PTPRD: variants seen among roughly 807,000 people sequenced by gnomAD.
PTPRD encodes receptor-type tyrosine-protein phosphatase delta.
Under a neutral mutation model 214.5 loss-of-function variants are expected in PTPRD, and 34 were observed. That is an observed-to-expected ratio of 0.16 (90% confidence interval 0.12 to 0.21). The LOEUF (loss-of-function observed/expected upper bound fraction) is 0.21. PTPRD is among the 10% of genes least tolerant of loss of function. The pLI, the probability that PTPRD is intolerant of heterozygous loss-of-function variation, is 1.00. For missense variants in PTPRD, 2,545 were observed against 2,398.7 expected (o/e 1.06, Z -1.27); for synonymous variants, 1,128 against 845.7 (o/e 1.33, Z -5.79).
At chr9:8,719,566 T>A (rs147496456) in intron 12 of PTPRD, among the ~76,000 whole-genome samples, 88 of 152,336 alleles carry the variant, frequency 5.8e-4, no homozygotes, top group Non-Finnish European at 1.1e-3. Flanking sequence ...AAACTAGGAC[T>A]CTTGAACAAT....
At chr9:9,738,186 G>T (rs2098334244) in intron 6 of PTPRD, among the ~76,000 whole-genome samples, 1 of 151,888 alleles carries the variant, frequency 6.6e-6, no homozygotes, top group Non-Finnish European at 1.5e-5. Context: ...ACACCAACGT[G>T]GCACATGTAT....
chr9:9,206,054 A>G (rs996786753), intron 9 of PTPRD, among the ~76,000 whole-genome samples: 3 of 152,224 alleles, frequency 2.0e-5, no homozygotes, highest in Non-Finnish European at 4.4e-5. Flanking sequence ...TGAGGAAGTA[A>G]GTTATGGAGA....
intron 8 of PTPRD, among the ~76,000 whole-genome samples, chr9:9,445,061 G>C (rs1456967150): frequency 6.6e-6 from 1 of 152,054 alleles, no homozygotes; most frequent in Non-Finnish European, 1.5e-5. Context: ...TAAATGAATT[G>C]GCATGTGATA....
At chr9:9,727,500 T>C (rs2098116169) in intron 7 of PTPRD, among the ~76,000 whole-genome samples, 1 of 152,164 alleles carries the variant, frequency 6.6e-6, no homozygotes, top group Non-Finnish European at 1.5e-5. Context: ...ATAAATATTT[T>C]ATGTCAGATG....
intron 9 of PTPRD, among the ~76,000 whole-genome samples, chr9:9,375,618 A>G (rs1195522830): frequency 6.6e-6 from 1 of 152,130 alleles, no homozygotes; most frequent in African/African-American, 2.4e-5. Flanking sequence ...AACAAAAAAC[A>G]AAAAAGAATG....
intron 3 of PTPRD, among the ~76,000 whole-genome samples, chr9:10,194,523 A>G (rs1036020155): frequency 6.6e-6 from 1 of 152,134 alleles, no homozygotes; most frequent in East Asian, 1.9e-4. Flanking sequence ...GCAAGATCAT[A>G]CAACCGTTAT....
At chr9:8,469,805 G>A (rs2096617069) in intron 31 of PTPRD, among the ~76,000 whole-genome samples, 1 of 151,914 alleles carries the variant, frequency 6.6e-6, no homozygotes, top group Non-Finnish European at 1.5e-5. Context: ...TCATCTCCTC[G>A]TCTGAACACG....
chr9:8,630,003 A>C (rs2096198766), intron 14 of PTPRD, among the ~76,000 whole-genome samples: 1 of 151,774 alleles, frequency 6.6e-6, no homozygotes, highest in African/African-American at 2.4e-5. Flanking sequence ...TATTATTTCA[A>C]TGTCTTCTTC....
At chr9:8,389,101 C>T in intron 37 of PTPRD, 131 bp downstream of exon 37, 2 of 653,758 alleles carry the variant, frequency 3.1e-6, no homozygotes, top group East Asian at 3.1e-5. Flanking sequence ...TTGTTGATGC[C>T]CATTCATAAT....
At chr9:10,155,262 T>A (rs1369352787) in intron 3 of PTPRD, among the ~76,000 whole-genome samples, 1 of 152,128 alleles carries the variant, frequency 6.6e-6, no homozygotes, top group East Asian at 1.9e-4. Flanking sequence ...GTTATTGGCA[T>A]ATTGGAATGC....
intron 2 of PTPRD, among the ~76,000 whole-genome samples, chr9:10,455,665 G>A (rs1025965715): frequency 6.6e-6 from 1 of 151,566 alleles, no homozygotes; most frequent in African/African-American, 2.4e-5. Flanking sequence ...AACTTTATGG[G>A]ACATATTCAT....
intron 12 of PTPRD, among the ~76,000 whole-genome samples, chr9:8,719,645 G>C (rs1183204297): frequency 6.6e-6 from 1 of 152,004 alleles, no homozygotes; most frequent in Non-Finnish European, 1.5e-5. Flanking sequence ...ATTTTGTATT[G>C]GCTGTGGCTA....
intron 11 of PTPRD, among the ~76,000 whole-genome samples, chr9:8,879,774 C>A (rs2098426250): frequency 6.6e-6 from 1 of 152,204 alleles, no homozygotes; most frequent in Admixed American, 6.5e-5. Flanking sequence ...CAACTTTACT[C>A]ATAGAAACAC....
chr9:8,947,103 A>G (rs2099070371), intron 11 of PTPRD, among the ~76,000 whole-genome samples: 1 of 103,370 alleles, frequency 9.7e-6, no homozygotes, highest in Admixed American at 1.1e-4. Flanking sequence ...AATGTTCTTT[A>G]TTATATTATT....
chr9:10,539,607 T>A (rs923420455), intron 2 of PTPRD, among the ~76,000 whole-genome samples: 1 of 152,238 alleles, frequency 6.6e-6, no homozygotes, highest in African/African-American at 2.4e-5. Context: ...AGAAAGTCTA[T>A]GAGCTCCCTT....
intron 33 of PTPRD, among the ~76,000 whole-genome samples, chr9:8,457,936 G>A (rs2096264059): frequency 6.6e-6 from 1 of 152,022 alleles, no homozygotes; most frequent in Admixed American, 6.6e-5. Flanking sequence ...ACTATTCATT[G>A]GGTACAGAAG....
chr9:8,631,307 A>T (rs1029689801), intron 14 of PTPRD, among the ~76,000 whole-genome samples: 9 of 151,674 alleles, frequency 5.9e-5, no homozygotes, highest in East Asian at 1.9e-4. Context: ...CCCTTTTCAA[A>T]TATTTTAAAT....
At chr9:9,753,411 A>T (rs899711983) in intron 6 of PTPRD, among the ~76,000 whole-genome samples, 6 of 152,004 alleles carry the variant, frequency 3.9e-5, no homozygotes, top group African/African-American at 1.2e-4. Flanking sequence ...TTTCCATTAT[A>T]CTTTGAGGGC....
chr9:9,457,342 C>T (rs527555744), intron 8 of PTPRD, among the ~76,000 whole-genome samples: 1 of 151,940 alleles, frequency 6.6e-6, no homozygotes, highest in East Asian at 1.9e-4. Context: ...AGATCCAAAA[C>T]CAGATTTATC....
Sources: gnomAD v4.1 joint callset for allele counts (sites outside exome capture counted in the v4.1 genomes callset) on GRCh38, gnomAD v4.1.1 for gene constraint, MANE v1.5 for transcripts, NCBI Gene and HGNC (gene_info 2026-07-23, HGNC 2026-07-21) for gene names.